ADGRG1: variants seen among roughly 807,000 people sequenced by gnomAD.
ADGRG1 encodes 7-transmembrane protein with no EGF-like N-terminal domains-1.
A neutral mutation model predicts 73.5 loss-of-function variants in ADGRG1; 53 were observed. That is an observed-to-expected ratio of 0.72 (90% CI 0.58 to 0.91). The LOEUF is 0.91. ADGRG1 is among the 40% of genes least tolerant of loss of function. The pLI is 0.00. For missense variants in ADGRG1, 795 were observed against 871.8 expected, an observed-to-expected ratio of 0.91 and a Z score of 1.11; for synonymous variants, 394 against 374.4, an observed-to-expected ratio of 1.05 and a Z score of -0.60.
chr16:57,661,900 CCTT>C lies in ADGRG1; in HGVS notation c.1869_1871del (p.Phe624del). The C allele has an allele frequency of 6.2e-7, 1 of 1,614,266 alleles. No homozygotes were observed. The highest frequency in any genetic ancestry group is 1.1e-5 in the South Asian group (1 of 91,088). On this transcript the variant is annotated inframe_deletion, in exon 13 of 14. Coordinates refer to ENST00000562631, the MANE Select transcript of ADGRG1 (RefSeq NM_201525.4). ...CTGCCCTGGGCCTTGATCTTCTTCT[CCTT>C]TGCTTCTGGCACCTTCCAGCTTGTC...
chr16:57,646,746 C>T (rs565724013), intron 1 of ADGRG1: 4 of 961,768 alleles, frequency 4.2e-6, no homozygotes, highest in Non-Finnish European at 4.9e-6. Flanking sequence ...ACACAGCCTT[C>T]CCCAGCCTCA....
intron 1 of ADGRG1, chr16:57,643,614 C>CAGTGAGT (rs769731729): frequency 8.9e-5 from 88 of 984,388 alleles, no homozygotes; most frequent in Non-Finnish European, 6.9e-5. Flanking sequence ...TCACCCTGGG[C>CAGTGAGT]AGTGAGTGGG....
chr16:57,653,338 A>C lies in ADGRG1; in HGVS notation c.620+3A>C. Reference sequence around the variant, plus strand: ...CCCTCGGCTGCCCCCGCCAGCCAGTAAGTTTGGCACCTGGGGCTGTGAGGG... The same window carrying C: ...CCCTCGGCTGCCCCCGCCAGCCAGTCAGTTTGGCACCTGGGGCTGTGAGGG... On this transcript the variant is annotated splice_donor_region_variant and intron_variant, in intron 4 of 13. Coordinates refer to ENST00000562631, the MANE Select transcript of ADGRG1 (RefSeq NM_201525.4). 1.2e-6 allele frequency: 2 copies of C among 1,608,162 alleles called. No individual in the cohort carries two copies. The highest frequency in any genetic ancestry group is 1.7e-6 in the Non-Finnish European group (2 of 1,179,892).
At position 57,663,798 on chromosome 16, in the gene ADGRG1, C is replaced by T. The variant is rs1210962009; in HGVS notation, c.*216C>T. ...CTACTCGGCTCTCACTCAGCTCCCACGGGACTCAGAAGTGCGCCGCCATGC... is the reference window on the plus strand; with the variant it reads ...CTACTCGGCTCTCACTCAGCTCCCATGGGACTCAGAAGTGCGCCGCCATGC... On this transcript the variant is annotated 3_prime_UTR_variant, in exon 14 of 14. Transcript: ENST00000562631. 1.6e-5 allele frequency: 10 copies of T among 614,308 alleles called. No individual in the cohort carries two copies. The highest frequency in any genetic ancestry group is 3.7e-5 in the African/African-American group (2 of 54,292). 38.1% of individuals were successfully genotyped at this position (614,308 alleles called of 1,614,324 possible).
At chr16:57,629,193 G>C in intron 1 of ADGRG1, 1 of 984,730 alleles carries the variant, frequency 1.0e-6, no homozygotes, top group Non-Finnish European at 1.2e-6. Context: ...ATCTTGGTGG[G>C]ATCTAGTCCA....
intron 1 of ADGRG1, among the ~76,000 whole-genome samples, chr16:57,640,664 C>T (rs1391452387): frequency 1.3e-5 from 2 of 152,214 alleles, no homozygotes; most frequent in East Asian, 3.8e-4. Flanking sequence ...GGCCCAGGCA[C>T]AGTCAGGCTC....
At chr16:57,625,558 A>G (rs113237638), upstream of ADGRG1, 1,774 of 984,432 alleles carry the variant, frequency 1.8e-3, 18 homozygotes, top group African/African-American at 0.028. Flanking sequence ...TCCTCTGCCC[A>G]TCCCTCCGCA....
In ADGRG1 at chr16:57,655,292, G is replaced by C; in HGVS notation, c.769-107G>C. On this transcript the variant is annotated intron_variant, in intron 5 of 13. Transcript: ENST00000562631. ...TTGACTTCCTGAAGAAATGGGCTTA[G>C]AAGTGGCAGCGTCCAGGAACGGATG... 4.4e-6 allele frequency: 7 copies of C among 1,582,268 alleles called. No individual in the cohort carries two copies. The South Asian group carries it at 7.8e-5, about 18-fold the overall frequency.
chr16:57,651,434 G>A lies in ADGRG1; in HGVS notation c.299G>A (p.Arg100Lys). 1 of 1,614,228 alleles carries A rather than the reference G, an allele frequency of 6.2e-7. No homozygotes were observed. Among genetic ancestry groups the A allele is most frequent in the Non-Finnish European group, 8.5e-7 (1 of 1,180,040 alleles). ...FCLYWNRHAG[R>K]LHLLYGKRDF... ...CTCTACTGGAACCGACATGCTGGGA[G>A]ATTACATCTTCTCTATGGCAAGCGT... Residue 100 changes from arginine to lysine, a missense_variant, in exon 3 of 14, where the codon AGA becomes AAA. By Grantham distance (26) the Arg-to-Lys change is conservative (BLOSUM62 2). Transcript: ENST00000562631.
intron 12 of ADGRG1, chr16:57,661,195 A>ATC: frequency 1.4e-6 from 1 of 717,492 alleles, no homozygotes; most frequent in Non-Finnish European, 1.7e-6. Context: ...CTGTCTCCCC[A>ATC]TGCAGATGGG....
intron 11 of ADGRG1, 63 bp from the exon 12 acceptor site, chr16:57,660,705 C>T (rs1254986325): frequency 2.5e-5 from 37 of 1,463,166 alleles, no homozygotes; most frequent in Non-Finnish European, 3.2e-5. Context: ...CTCCCTGAGG[C>T]CAGCAGGGAA....
At chr16:57,661,645 G>A in intron 12 of ADGRG1, 52 bp from the exon 13 acceptor site, 1 of 1,579,814 alleles carries the variant, frequency 6.3e-7, no homozygotes, top group Admixed American at 1.8e-5. Context: ...CACAGCCCAG[G>A]AAATGCTGCC....
chr16:57,633,294 T>C (rs2038485034), intron 1 of ADGRG1: 1 of 981,508 alleles, frequency 1.0e-6, no homozygotes, highest in Non-Finnish European at 1.2e-6. Flanking sequence ...TTCCAGGTCA[T>C]GGGCTCATTG....
chr16:57,663,832 G>T lies in ADGRG1; in HGVS notation c.*250G>T, dbSNP rs113562508. The T allele has an allele frequency of 5.0e-4, 286 of 572,428 alleles. 1 individual carries two copies. Among genetic ancestry groups the T allele is most frequent in the African/African-American group, 5.0e-3 (265 of 53,420 alleles). 35.5% of individuals were successfully genotyped at this position (572,428 alleles called of 1,614,324 possible). A position where few individuals can be genotyped will look rare whatever the true frequency, so the allele number is the denominator to read the frequency against. On this transcript the variant is annotated 3_prime_UTR_variant, in exon 14 of 14. Transcript: ENST00000562631. Reference sequence around the variant, plus strand: ...GAAGTGCGCCGCCATGCTGCCTAGGGTACTGTCCCCACATCTGTCCCAACC... The same window carrying T: ...GAAGTGCGCCGCCATGCTGCCTAGGTTACTGTCCCCACATCTGTCCCAACC...
At chr16:57,629,144 A>G in intron 1 of ADGRG1, 1 of 979,236 alleles carries the variant, frequency 1.0e-6, no homozygotes, top group African/African-American at 1.8e-5. Flanking sequence ...GACAGTGGGT[A>G]GGGATGGTGG....
chr16:57,627,785 T>C, upstream of ADGRG1: 1 of 985,310 alleles, frequency 1.0e-6, no homozygotes, highest in African/African-American at 1.7e-5. Flanking sequence ...ATCCAAAGCC[T>C]CCTGACTCGA....
At chr16:57,644,577 AC>A (rs1351523481) in intron 1 of ADGRG1, among the ~76,000 whole-genome samples, 124 of 142,952 alleles carry the variant, frequency 8.7e-4, no homozygotes, top group African/African-American at 2.9e-3. Context: ...ATGCACAAGC[AC>A]ACACACTGAT....
Position 57,651,588 on chromosome 16 carries a change from GC to G in ADGRG1, c.456del (p.Ser153ValfsTer38), listed in dbSNP as rs1407233374. ...GGTGGAGCCCTCAGAACATCAGCCT[GC>G]CCAGTGCCGCCAGCTTCACCTTCTC... ...SWWSPQNISL[P>X]SAASFTFSFH... On this transcript the variant is annotated frameshift_variant, in exon 3 of 14. Transcript: ENST00000562631. LOFTEE classifies it high-confidence loss of function. The G allele has an allele frequency of 1.9e-6, 3 of 1,613,842 alleles. No individual in the cohort carries two copies. The African/African-American group carries it at 4.0e-5, about 22-fold the overall frequency.
intron 1 of ADGRG1, among the ~76,000 whole-genome samples, chr16:57,649,095 C>T (rs1345656711): frequency 6.6e-6 from 1 of 152,198 alleles, no homozygotes; most frequent in Non-Finnish European, 1.5e-5. Flanking sequence ...AGATTTGCTC[C>T]ATCCTTGCCA....
Sources: gnomAD v4.1 joint callset for allele counts (sites outside exome capture counted in the v4.1 genomes callset) on GRCh38, gnomAD v4.1.1 for gene constraint, MANE v1.5 for transcripts, NCBI Gene and HGNC (gene_info 2026-07-23, HGNC 2026-07-21) for gene names.